Variants in BLTP1 observed in about 807,000 individuals in gnomAD.
BLTP1 encodes the protein bridge-like lipid transfer protein family member 1.
chr4:122,209,905 T>G, the BLTP1 span: 1 of 1,613,384 alleles, frequency 6.2e-7, no homozygotes, highest in Non-Finnish European at 8.5e-7. Context: ...AAAAAGCAGA[T>G]GAACAGCTGA....
the BLTP1 span, chr4:122,352,818 A>G: frequency 6.5e-7 from 1 of 1,529,944 alleles, no homozygotes; most frequent in Admixed American, 1.9e-5. Context: ...GAGACTGTAG[A>G]AAGTAGCCAC....
the BLTP1 span, chr4:122,186,003 G>T: frequency 1.4e-6 from 2 of 1,467,880 alleles, no homozygotes; most frequent in South Asian, 2.8e-5. Context: ...TTAAAAAGTT[G>T]ACTAAAAATT....
At chr4:122,340,684 T>C in the BLTP1 span, 1 of 981,842 alleles carries the variant, frequency 1.0e-6, no homozygotes, top group Non-Finnish European at 1.2e-6. Context: ...GAAATAAAGC[T>C]TTTGCTAATG....
the BLTP1 span, among the ~76,000 whole-genome samples, chr4:122,315,086 C>T: frequency 2.0e-4 from 30 of 152,142 alleles, no homozygotes; most frequent in Admixed American, 1.9e-3. Flanking sequence ...CATTAGAGAA[C>T]GACCAACCTT....
At chr4:122,198,411 G>A in the BLTP1 span, 3 of 985,230 alleles carry the variant, frequency 3.0e-6, no homozygotes, top group Non-Finnish European at 3.6e-6. Context: ...GTATGATGGG[G>A]TATAAAGGCA....
the BLTP1 span, among the ~76,000 whole-genome samples, chr4:122,282,841 G>A: frequency 1.3e-5 from 2 of 151,876 alleles, no homozygotes; most frequent in Non-Finnish European, 2.9e-5. Context: ...TTGACTAAGA[G>A]CTCCTTACGA....
the BLTP1 span, among the ~76,000 whole-genome samples, chr4:122,233,841 C>T: frequency 3.3e-5 from 5 of 152,072 alleles, no homozygotes; most frequent in South Asian, 8.3e-4. Flanking sequence ...TTGTCTTTGC[C>T]TCTGTATTGT....
chr4:122,282,994 C>G, the BLTP1 span, among the ~76,000 whole-genome samples: 1 of 151,934 alleles, frequency 6.6e-6, no homozygotes, highest in Non-Finnish European at 1.5e-5. Flanking sequence ...ATGTTGTCAC[C>G]TAGTTGGAGG....
At chr4:122,208,735 G>GA in the BLTP1 span, 2 of 840,740 alleles carry the variant, frequency 2.4e-6, no homozygotes, top group Non-Finnish European at 2.9e-6. Flanking sequence ...TTATTTACCT[G>GA]ACTGTCGAAT....
the BLTP1 span, chr4:122,197,189 T>C: frequency 9.0e-7 from 1 of 1,105,418 alleles, no homozygotes; most frequent in Non-Finnish European, 1.3e-6. Flanking sequence ...TTTTTTTCTT[T>C]TGGTAGGAAA....
chr4:122,314,444 CAGTT>C, the BLTP1 span, among the ~76,000 whole-genome samples: 1 of 152,076 alleles, frequency 6.6e-6, no homozygotes, highest in Non-Finnish European at 1.5e-5. Flanking sequence ...CCTAGGAAAT[CAGTT>C]AGGAGGTAAC....
At chr4:122,186,664 CTG>C in the BLTP1 span, among the ~76,000 whole-genome samples, 2 of 151,910 alleles carry the variant, frequency 1.3e-5, no homozygotes, top group African/African-American at 4.8e-5. Flanking sequence ...TGTTCCATAT[CTG>C]TATATGTAGG....
chr4:122,234,491 T>A, the BLTP1 span, among the ~76,000 whole-genome samples: 4 of 152,086 alleles, frequency 2.6e-5, no homozygotes, highest in Non-Finnish European at 5.9e-5. Flanking sequence ...GATTTTTATA[T>A]TTGCTTTTTT....
the BLTP1 span, chr4:122,314,028 CAT>C: frequency 1.0e-5 from 10 of 956,200 alleles, no homozygotes; most frequent in South Asian, 3.4e-4. Context: ...TACAATAAAA[CAT>C]AAAATTCCGG....
the BLTP1 span, chr4:122,197,220 G>C: frequency 4.2e-6 from 6 of 1,444,808 alleles, no homozygotes; most frequent in Non-Finnish European, 5.6e-6. Flanking sequence ...ACATGTAAAT[G>C]TAGGAGCTGG....
the BLTP1 span, among the ~76,000 whole-genome samples, chr4:122,285,220 G>C: frequency 6.6e-6 from 1 of 152,068 alleles, no homozygotes; most frequent in Non-Finnish European, 1.5e-5. Flanking sequence ...AGAGAGATAA[G>C]AACCCAAAAT....
the BLTP1 span, chr4:122,281,307 G>GTA: frequency 1.0e-6 from 1 of 977,754 alleles, no homozygotes; most frequent in Non-Finnish European, 1.2e-6. Context: ...CACCTTCACA[G>GTA]TATAACATTC....
At chr4:122,268,971 T>C in the BLTP1 span, 3 of 241,426 alleles carry the variant, frequency 1.2e-5, no homozygotes, top group African/African-American at 7.0e-5. Context: ...AAGTCTTTGT[T>C]ACAAATTTGT....
At chr4:122,302,708 C>T in the BLTP1 span, among the ~76,000 whole-genome samples, 2 of 152,054 alleles carry the variant, frequency 1.3e-5, no homozygotes, top group South Asian at 2.1e-4. Flanking sequence ...AGTTCTTAAA[C>T]GAAATTAAAA....
Sources: gnomAD v4.1 joint callset for allele counts (sites outside exome capture counted in the v4.1 genomes callset) on GRCh38, gnomAD v4.1.1 for gene constraint, MANE v1.5 for transcripts, NCBI Gene and HGNC (gene_info 2026-07-23, HGNC 2026-07-21) for gene names.